The following SPTLC1 variants were observed in gnomAD, a reference collection of about 807,000 sequenced individuals.
The protein encoded by SPTLC1 is serine palmitoyltransferase 1.
A neutral mutation model predicts 68.9 loss-of-function variants in SPTLC1; 55 were observed. The ratio of observed to expected loss-of-function variants is 0.80; its 90% confidence interval spans 0.64 to 1.00. The LOEUF (loss-of-function observed/expected upper bound fraction) is 1.00. Ranked by LOEUF, SPTLC1 falls within the 50% of genes least tolerant of loss-of-function variation. SPTLC1 has a pLI of 0.00. For missense variants in SPTLC1, 449 were observed against 573.1 expected, an observed-to-expected ratio of 0.78 and a Z score of 2.21; for synonymous variants, 197 against 201.6, an observed-to-expected ratio of 0.98 and a Z score of 0.19.
chr9:92,034,744 G>T, intron 14 of SPTLC1, 66 bp downstream of exon 14: 1 of 1,380,758 alleles, frequency 7.2e-7, no homozygotes, highest in Non-Finnish European at 1.0e-6. Context: ...TTTTTCAAAA[G>T]ATAACGTATT....
chr9:92,096,954 TA>T (rs1301969820), intron 3 of SPTLC1, among the ~76,000 whole-genome samples: 1 of 152,014 alleles, frequency 6.6e-6, no homozygotes. Flanking sequence ...TCAAAATATA[TA>T]AAGAACTTTT....
chr9:92,112,412 T>C (rs372380375), intron 2 of SPTLC1, 43 bp downstream of exon 2: 526 of 1,367,226 alleles, frequency 3.8e-4, no homozygotes, highest in Non-Finnish European at 4.9e-4. Flanking sequence ...ATAGCAACTA[T>C]AATCACATAC....
At chr9:92,064,745 T>G (rs1017464291) in intron 6 of SPTLC1, among the ~76,000 whole-genome samples, 1 of 152,206 alleles carries the variant, frequency 6.6e-6, no homozygotes, top group Non-Finnish European at 1.5e-5. Context: ...CAGTGGTACC[T>G]TCATGCCATG....
At chr9:92,055,168 G>A in intron 8 of SPTLC1, 1 of 933,860 alleles carries the variant, frequency 1.1e-6, no homozygotes, top group Non-Finnish European at 1.3e-6. Context: ...TAAGGCTGCA[G>A]TGAGCTGTGT....
chr9:92,047,582 G>A (rs1278018322), intron 10 of SPTLC1, 31 bp downstream of exon 10: 2 of 1,464,836 alleles, frequency 1.4e-6, no homozygotes, highest in Non-Finnish European at 1.9e-6. Flanking sequence ...ATTAGTTTCA[G>A]TTTTAGCTCC....
chr9:92,060,871 C>T (rs1019816481), intron 6 of SPTLC1, among the ~76,000 whole-genome samples: 26 of 150,282 alleles, frequency 1.7e-4, no homozygotes, highest in African/African-American at 5.9e-4. Flanking sequence ...CAAGATGGCG[C>T]CACTGCATTC....
intron 12 of SPTLC1, among the ~76,000 whole-genome samples, chr9:92,043,809 G>T (rs1833424580): frequency 6.6e-6 from 1 of 152,108 alleles, no homozygotes; most frequent in Non-Finnish European, 1.5e-5. Context: ...TTTTGCTAGG[G>T]TATCAGATAG....
chr9:92,097,853 GAA>G (rs1227333014), intron 3 of SPTLC1, among the ~76,000 whole-genome samples: 1 of 151,838 alleles, frequency 6.6e-6, no homozygotes, highest in Non-Finnish European at 1.5e-5. Context: ...CTGTTTAAAG[GAA>G]AAAAACCTTA....
intron 1 of SPTLC1, among the ~76,000 whole-genome samples, chr9:92,113,652 G>A (rs542664473): frequency 1.3e-5 from 2 of 152,274 alleles, no homozygotes; most frequent in South Asian, 4.1e-4. Context: ...GCTCATTTTA[G>A]GTCACTACAG....
intron 7 of SPTLC1, among the ~76,000 whole-genome samples, chr9:92,057,815 A>G (rs942767871): frequency 4.6e-5 from 7 of 152,256 alleles, no homozygotes; most frequent in African/African-American, 1.2e-4. Flanking sequence ...GCCTGCTCTC[A>G]GCAAGAAAAA....
chr9:92,076,360 C>T (rs987758562), intron 5 of SPTLC1, among the ~76,000 whole-genome samples: 5 of 152,172 alleles, frequency 3.3e-5, no homozygotes, highest in African/African-American at 1.2e-4. Context: ...GCCAATAAAA[C>T]AGCCAAAGAA....
chr9:92,045,588 T>C (rs971187119), intron 12 of SPTLC1, among the ~76,000 whole-genome samples: 28 of 150,710 alleles, frequency 1.9e-4, no homozygotes, highest in African/African-American at 6.9e-4. Flanking sequence ...TTTTCTTGTG[T>C]TAAAACTTAG....
intron 3 of SPTLC1, among the ~76,000 whole-genome samples, chr9:92,095,511 A>C (rs1835498290): frequency 6.6e-6 from 1 of 152,232 alleles, no homozygotes; most frequent in Admixed American, 6.5e-5. Context: ...TATACACAGA[A>C]GAATATGTAG....
chr9:92,104,463 A>G, intron 3 of SPTLC1: 1 of 1,404,554 alleles, frequency 7.1e-7, no homozygotes, highest in Non-Finnish European at 9.5e-7. Context: ...CGGGCACCCC[A>G]CAGAGGGTCC....
At chr9:92,042,824 A>C (rs1393433984) in intron 12 of SPTLC1, among the ~76,000 whole-genome samples, 1 of 152,254 alleles carries the variant, frequency 6.6e-6, no homozygotes, top group East Asian at 1.9e-4. Flanking sequence ...CAAATATACC[A>C]ATGGAATGGA....
At chr9:92,066,974 C>G (rs549668822) in intron 6 of SPTLC1, among the ~76,000 whole-genome samples, 1 of 150,308 alleles carries the variant, frequency 6.7e-6, no homozygotes, top group African/African-American at 2.4e-5. Flanking sequence ...GAGTGAAACT[C>G]CATCTCAAAA....
chr9:92,055,392 C>T lies in SPTLC1; in HGVS notation c.780+13G>A, dbSNP rs1833852050. The T allele has an allele frequency of 1.9e-6, 3 of 1,612,594 alleles. No homozygotes were observed. Among genetic ancestry groups the T allele is most frequent in the African/African-American group, 1.3e-5 (1 of 74,096 alleles). On this transcript the variant is annotated intron_variant, in intron 8 of 14. Coordinates refer to ENST00000262554, the MANE Select transcript of SPTLC1 (RefSeq NM_006415.4). Reference sequence around the variant, plus strand: ...TCCAAATATTAAAATTACAGCTGAACATGGTTGCTTACCAATTCTGGAAGA... The same window carrying T: ...TCCAAATATTAAAATTACAGCTGAATATGGTTGCTTACCAATTCTGGAAGA...
intron 6 of SPTLC1, among the ~76,000 whole-genome samples, chr9:92,065,727 G>A (rs1834254624): frequency 6.6e-6 from 1 of 152,140 alleles, no homozygotes; most frequent in South Asian, 2.1e-4. Flanking sequence ...TTAGTGATGA[G>A]TCTTTCACAT....
intron 6 of SPTLC1, among the ~76,000 whole-genome samples, chr9:92,062,996 G>A (rs549711595): frequency 4.6e-5 from 7 of 152,066 alleles, no homozygotes; most frequent in East Asian, 1.9e-4. Context: ...TAAACCAAAC[G>A]TCAGCAGAAG....
Sources: allele counts gnomAD v4.1 joint callset (sites outside exome capture counted in the v4.1 genomes callset), GRCh38; gene constraint gnomAD v4.1.1; transcripts MANE v1.5; gene names NCBI Gene and HGNC (gene_info 2026-07-23, HGNC 2026-07-21).